ABLIM2: variants seen among roughly 807,000 people sequenced by gnomAD.
ABLIM2 encodes actin binding LIM protein family member 2, also known as actin-binding LIM protein 2.
A neutral mutation model predicts 97.7 loss-of-function variants in ABLIM2; 53 were observed. The ratio of observed to expected loss-of-function variants is 0.54; its 90% CI spans 0.44 to 0.68. The LOEUF is 0.68. ABLIM2 is among the 30% of genes least tolerant of loss of function. The pLI, the probability that ABLIM2 is intolerant of heterozygous loss-of-function variation, is 0.00. For missense variants in ABLIM2, 835 were observed against 867.2 expected (o/e 0.96, Z 0.47); for synonymous variants, 361 against 345.8 (o/e 1.04, Z -0.49).
intron 16 of ABLIM2, among the ~76,000 whole-genome samples, chr4:7,997,131 G>A (rs528009787): frequency 1.3e-4 from 20 of 152,224 alleles, no homozygotes; most frequent in Admixed American, 5.9e-4. Context: ...GAGCACAGTG[G>A]CACGATCTTG....
At position 8,046,365 on chromosome 4, in the gene ABLIM2, C is replaced by T. The variant is rs920064209; in HGVS notation, c.823-1124G>A. ...TCAGCTCTCACTGGAGCTGCACACC[C>T]CTCTCCTGGTTCAGCCCTCACTCCT... On this transcript the variant is annotated intron_variant, in intron 8 of 20. Transcript: ENST00000447017. The surrounding 1 kb of genome is among the most constrained non-coding windows in gnomAD (Gnocchi z 4.4). 1.3e-5 allele frequency among the ~76,000 whole-genome samples: 2 copies of T among 152,118 alleles called. No homozygotes were observed. The highest frequency in any genetic ancestry group is 4.8e-5 in the African/African-American group (2 of 41,416).
chr4:8,018,178 G>A (rs1770877900), intron 14 of ABLIM2, among the ~76,000 whole-genome samples: 1 of 152,156 alleles, frequency 6.6e-6, no homozygotes. Flanking sequence ...ACCCCCTCCT[G>A]TCCTGCACAT....
At chr4:7,980,113 C>A (rs1736793599) in intron 20 of ABLIM2, among the ~76,000 whole-genome samples, 1 of 152,132 alleles carries the variant, frequency 6.6e-6, no homozygotes, top group Non-Finnish European at 1.5e-5. Context: ...TAATTCTAAG[C>A]CCTGCAATGG....
chr4:8,055,587 A>G (rs1798555901), intron 7 of ABLIM2, among the ~76,000 whole-genome samples: 1 of 152,220 alleles, frequency 6.6e-6, no homozygotes, highest in Admixed American at 6.5e-5. Context: ...TGTATCCCAC[A>G]AAAAAGCCAC....
rs184528005 is a variant in ABLIM2 at position 8,125,683 on chromosome 4, C to T, written c.11-19046G>A. On this transcript the variant is annotated intron_variant, in intron 1 of 20. Coordinates refer to ENST00000447017, the MANE Select transcript of ABLIM2 (RefSeq NM_001130083.2). This position sits in a 1 kb window ranked among gnomAD's most constrained non-coding sequence, Gnocchi z 6.2. ...CACAGTTGTCCACAGTTGGTGGAAGCACAGTGGGCCTGAGAAGGCATCGCA... is the reference window on the plus strand; with the variant it reads ...CACAGTTGTCCACAGTTGGTGGAAGTACAGTGGGCCTGAGAAGGCATCGCA... Among the ~76,000 whole-genome samples, 97 of 152,324 alleles carry T rather than the reference C, an allele frequency of 6.4e-4. No individual in the cohort carries two copies. The highest frequency in any genetic ancestry group is 2.3e-3 in the African/African-American group (95 of 41,568).
At chr4:8,081,039 G>C (rs2152445857) in intron 4 of ABLIM2, among the ~76,000 whole-genome samples, 1 of 152,310 alleles carries the variant, frequency 6.6e-6, no homozygotes, top group Non-Finnish European at 1.5e-5. Flanking sequence ...TGCAGCCTGG[G>C]CTATGAGCTG....
At chr4:8,134,737 G>A (rs1396364062) in intron 1 of ABLIM2, among the ~76,000 whole-genome samples, 2 of 152,204 alleles carry the variant, frequency 1.3e-5, no homozygotes, top group African/African-American at 2.4e-5. Context: ...AGCTGGGCTC[G>A]GAGGGACCAG....
At chr4:8,146,413 G>T (rs1851799634) in intron 1 of ABLIM2, among the ~76,000 whole-genome samples, 1 of 152,218 alleles carries the variant, frequency 6.6e-6, no homozygotes, top group Admixed American at 6.5e-5. Context: ...TACAAAGTCA[G>T]ATATTAATGA....
chr4:8,052,904 C>A (rs191279155), intron 8 of ABLIM2, among the ~76,000 whole-genome samples: 1 of 152,326 alleles, frequency 6.6e-6, no homozygotes, highest in Non-Finnish European at 1.5e-5. Flanking sequence ...ATGAGGTCTA[C>A]GGGATACCCC....
chr4:8,094,838 A>G (rs563045059), intron 3 of ABLIM2, among the ~76,000 whole-genome samples: 7 of 152,060 alleles, frequency 4.6e-5, no homozygotes, highest in African/African-American at 1.7e-4. Context: ...GATTTTTACT[A>G]TTACTTTTAA....
intron 9 of ABLIM2, among the ~76,000 whole-genome samples, chr4:8,042,613 G>A (rs1318789065): frequency 6.6e-6 from 1 of 152,204 alleles, no homozygotes; most frequent in Non-Finnish European, 1.5e-5. Context: ...GGCCAGGCGA[G>A]TGGATCACCT....
intron 4 of ABLIM2, 59 bp downstream of exon 4, chr4:8,088,110 T>G: frequency 3.2e-6 from 1 of 309,490 alleles, no homozygotes; most frequent in Non-Finnish European, 5.1e-6. Context: ...ACCCACCCAT[T>G]TAGCACCCCC....
In ABLIM2 at chr4:8,061,396, C is replaced by A. The variant is rs557603422; in HGVS notation, c.676-342G>T. On this transcript the variant is annotated intron_variant, in intron 6 of 20. Coordinates refer to ENST00000447017, the MANE Select transcript of ABLIM2 (RefSeq NM_001130083.2). The surrounding 1 kb of genome is among the most constrained non-coding windows in gnomAD (Gnocchi z 4.5). ...GAGGTCTTGGTATTTCCAGAGGGAG[C>A]GGGAGGGACAGGAGGAGGAAGAAAA... Among the ~76,000 whole-genome samples the A allele has an allele frequency of 5.3e-5, 8 of 150,290 alleles. No individual in the cohort carries two copies. In the South Asian group the frequency reaches 1.7e-3, roughly 32 times the overall value.
At chr4:8,086,902 C>A (rs998954687) in intron 4 of ABLIM2, among the ~76,000 whole-genome samples, 2 of 151,766 alleles carry the variant, frequency 1.3e-5, no homozygotes, top group Non-Finnish European at 2.9e-5. Context: ...TCCTAGCAAG[C>A]CCGGAAGCAG....
intron 16 of ABLIM2, among the ~76,000 whole-genome samples, chr4:7,997,642 A>C (rs564873903): frequency 6.6e-6 from 1 of 152,056 alleles, no homozygotes; most frequent in African/African-American, 2.4e-5. Context: ...TTCAGTTTCA[A>C]AAGTATCTGC....
chr4:8,002,722 C>T lies in ABLIM2; in HGVS notation c.1618+5337G>A, dbSNP rs1044886271. Among the ~76,000 whole-genome samples the T allele has an allele frequency of 1.3e-5, 2 of 152,174 alleles. No individual in the cohort carries two copies. The highest frequency in any genetic ancestry group is 2.9e-5 in the Non-Finnish European group (2 of 68,024). ...TGTGCTGCTTAAATCCTGAGTCAGG[C>T]CAGGCTTGAGTCCTCCCAAGGGCAC... On this transcript the variant is annotated intron_variant, in intron 16 of 20. Transcript: ENST00000447017. The surrounding 1 kb of genome is among the most constrained non-coding windows in gnomAD (Gnocchi z 6.1).
chr4:8,006,096 G>A (rs1761101789), intron 16 of ABLIM2, among the ~76,000 whole-genome samples: 3 of 152,250 alleles, frequency 2.0e-5, no homozygotes. Flanking sequence ...GGCCTCGCAA[G>A]GCTGGCCACC....
At chr4:8,126,888 A>G (rs1848208446) in intron 1 of ABLIM2, among the ~76,000 whole-genome samples, 1 of 152,102 alleles carries the variant, frequency 6.6e-6, no homozygotes, top group Admixed American at 6.5e-5. Context: ...CAACAAAGTG[A>G]GACCCCGTCT....
At chr4:7,976,533 C>T (rs913354335) in intron 20 of ABLIM2, among the ~76,000 whole-genome samples, 3 of 152,178 alleles carry the variant, frequency 2.0e-5, no homozygotes, top group Non-Finnish European at 4.4e-5. Context: ...TATCCGGGCT[C>T]AGGTCCAGAC....
Sources: gnomAD v4.1 joint callset for allele counts (sites outside exome capture counted in the v4.1 genomes callset) on GRCh38, gnomAD v4.1.1 for gene constraint, Gnocchi (gnomAD v3.1) non-coding constraint, MANE v1.5 for transcripts, NCBI Gene and HGNC (gene_info 2026-07-23, HGNC 2026-07-21) for gene names.